Variants in MAP7 observed in about 807,000 individuals in gnomAD.
The protein encoded by MAP7 is microtubule associated protein 7.
A neutral mutation model predicts 94.8 loss-of-function variants in MAP7; 52 were observed. The observed-to-expected ratio is 0.55, with a 90% CI of 0.44 to 0.69. The LOEUF (loss-of-function observed/expected upper bound fraction) is 0.69, where lower values mean the gene tolerates loss of function less well. Among genes scored for constraint, MAP7 ranks in the 30% least tolerant of loss-of-function variants. The pLI, the probability that MAP7 is intolerant of heterozygous loss-of-function variation, is 0.00. For missense variants in MAP7, 940 were observed against 964.6 expected, an observed-to-expected ratio of 0.97 and a Z score of 0.34; for synonymous variants, 350 against 357.0, an observed-to-expected ratio of 0.98 and a Z score of 0.22.
intron 7 of MAP7, among the ~76,000 whole-genome samples, chr6:136,373,027 G>C (rs1476287802): frequency 2.6e-5 from 4 of 152,176 alleles, no homozygotes; most frequent in Non-Finnish European, 5.9e-5. Flanking sequence ...ATAAAGACTA[G>C]TTTATAACCA....
chr6:136,451,887 C>T (rs914287332), intron 1 of MAP7, among the ~76,000 whole-genome samples: 3 of 152,158 alleles, frequency 2.0e-5, no homozygotes, highest in African/African-American at 7.2e-5. Context: ...TACTGAATTG[C>T]TGCAATCTCA....
intron 1 of MAP7, among the ~76,000 whole-genome samples, chr6:136,493,190 C>T (rs540805951): frequency 4.9e-4 from 71 of 144,170 alleles, no homozygotes; most frequent in Non-Finnish European, 8.9e-4. Context: ...ATGGCACGAT[C>T]CGGCTCACGG....
At chr6:136,478,201 A>G (rs1455033755) in intron 1 of MAP7, among the ~76,000 whole-genome samples, 2 of 152,220 alleles carry the variant, frequency 1.3e-5, no homozygotes, top group African/African-American at 2.4e-5. Context: ...AAAACTTCAA[A>G]TAAGTAACCT....
chr6:136,446,952 T>C (rs1192210361), intron 1 of MAP7, among the ~76,000 whole-genome samples: 1 of 152,228 alleles, frequency 6.6e-6, no homozygotes, highest in Non-Finnish European at 1.5e-5. Context: ...GACCAAATTC[T>C]TTTCAATGAA....
chr6:136,351,948 C>A (rs1232002417), intron 16 of MAP7, among the ~76,000 whole-genome samples: 3 of 152,176 alleles, frequency 2.0e-5, no homozygotes, highest in African/African-American at 7.2e-5. Flanking sequence ...CCAGCACCCC[C>A]ACTGGGGCAG....
At chr6:136,505,826 A>C (rs918224718) in intron 1 of MAP7, among the ~76,000 whole-genome samples, 1 of 152,184 alleles carries the variant, frequency 6.6e-6, no homozygotes, top group South Asian at 2.1e-4. Context: ...ATTACTGGCA[A>C]GTAGCAAAAA....
chr6:136,375,949 G>C (rs1775990933), intron 7 of MAP7, among the ~76,000 whole-genome samples: 1 of 152,124 alleles, frequency 6.6e-6, no homozygotes, highest in Admixed American at 6.5e-5. Context: ...TAGAGGGAGA[G>C]TGAAAGAAGT....
Position 136,466,867 on chromosome 6 carries a change from C to T in MAP7, c.68-45068G>A, listed in dbSNP as rs1347461191. 3.3e-6 allele frequency: 5 copies of T among 1,529,650 alleles called. No homozygotes were observed. In the African/African-American group the frequency reaches 4.1e-5, roughly 13 times the overall value. The allele number at this position is 1,529,650 out of a possible 1,614,324, so 94.8% of individuals were successfully genotyped here. ...TTTGTGTCCCTCAGCCAGGCAAAGA[C>T]CAAATATCAGTGAAGGGGCCGTTTA... On this transcript the variant is annotated intron_variant, in intron 1 of 17. Transcript: ENST00000354570.
chr6:136,347,187 A>G (rs1327925324), intron 16 of MAP7, among the ~76,000 whole-genome samples: 1 of 152,234 alleles, frequency 6.6e-6, no homozygotes, highest in Non-Finnish European at 1.5e-5. Flanking sequence ...TAATTTTACC[A>G]TTCATTTTAT....
chr6:136,506,018 G>A (rs1157378552), intron 1 of MAP7, among the ~76,000 whole-genome samples: 1 of 152,086 alleles, frequency 6.6e-6, no homozygotes, highest in Non-Finnish European at 1.5e-5. Context: ...ATGTATTTAA[G>A]CCTTGAGAAA....
chr6:136,546,744 C>T (rs1829766334), intron 1 of MAP7, among the ~76,000 whole-genome samples: 2 of 152,120 alleles, frequency 1.3e-5, no homozygotes, highest in Admixed American at 6.5e-5. Flanking sequence ...TATTCTAAGC[C>T]TCAATATTTT....
chr6:136,535,142 G>T (rs912539285), intron 1 of MAP7, among the ~76,000 whole-genome samples: 2 of 152,128 alleles, frequency 1.3e-5, no homozygotes, highest in African/African-American at 4.8e-5. Context: ...GGATCATGGC[G>T]GTGCAACCTC....
At chr6:136,441,608 C>T (rs1178805590) in intron 1 of MAP7, among the ~76,000 whole-genome samples, 1 of 152,140 alleles carries the variant, frequency 6.6e-6, no homozygotes, top group Non-Finnish European at 1.5e-5. Context: ...CTATTAGCCC[C>T]TTAAGCTGAA....
intron 1 of MAP7, among the ~76,000 whole-genome samples, chr6:136,493,357 A>G (rs947708045): frequency 6.6e-6 from 1 of 152,130 alleles, no homozygotes; most frequent in Admixed American, 6.5e-5. Context: ...TCCTGACCTC[A>G]GGTGATCCGC....
intron 2 of MAP7, among the ~76,000 whole-genome samples, chr6:136,412,940 T>G (rs1423907231): frequency 6.6e-6 from 1 of 151,836 alleles, no homozygotes. Context: ...GCGGGTGGAT[T>G]GCCTGAGCTG....
intron 1 of MAP7, among the ~76,000 whole-genome samples, chr6:136,447,536 T>C (rs186399117): frequency 5.3e-4 from 81 of 152,352 alleles, no homozygotes; most frequent in Non-Finnish European, 8.4e-4. Flanking sequence ...GAGAGTATCA[T>C]AAATTTTTTA....
chr6:136,481,979 G>A (rs1025631041), intron 1 of MAP7, among the ~76,000 whole-genome samples: 1 of 152,050 alleles, frequency 6.6e-6, no homozygotes, highest in Admixed American at 6.5e-5. Context: ...TCCTATTCTT[G>A]CAACTTTTCA....
intron 1 of MAP7, among the ~76,000 whole-genome samples, chr6:136,519,895 A>G (rs1583129251): frequency 1.3e-5 from 2 of 152,186 alleles, no homozygotes; most frequent in East Asian, 3.9e-4. Context: ...AATGAATAGC[A>G]TGACAGAAAA....
intron 3 of MAP7, among the ~76,000 whole-genome samples, chr6:136,408,459 C>G (rs933936780): frequency 6.6e-6 from 1 of 152,122 alleles, no homozygotes; most frequent in African/African-American, 2.4e-5. Flanking sequence ...TGCCATAACA[C>G]CAAGAACAAA....
Sources: allele counts gnomAD v4.1 joint callset (sites outside exome capture counted in the v4.1 genomes callset), GRCh38; gene constraint gnomAD v4.1.1; transcripts MANE v1.5; gene names NCBI Gene and HGNC (gene_info 2026-07-23, HGNC 2026-07-21).